SHC3: variants seen among roughly 807,000 people sequenced by gnomAD.
SHC3 encodes the protein SHC-transforming protein 3.
SHC3 carries 15 observed loss-of-function variants against 60.4 expected under a neutral mutation model. The observed-to-expected ratio is 0.25, with a 90% CI of 0.17 to 0.38. SHC3 has a LOEUF of 0.38. Among genes scored for constraint, SHC3 ranks in the 10% least tolerant of loss-of-function variants. The probability of loss-of-function intolerance (pLI) is 1.00; values close to 1 mark genes in which losing one functional copy is unlikely to be tolerated. For synonymous variants in SHC3, 294 were observed against 325.9 expected (o/e 0.90, Z 1.05); for missense variants, 677 against 786.1 (o/e 0.86, Z 1.66).
chr9:89,117,272 G>A (rs972144626), intron 1 of SHC3, among the ~76,000 whole-genome samples: 3 of 152,116 alleles, frequency 2.0e-5, no homozygotes, highest in African/African-American at 4.8e-5. Context: ...CTCATCACCC[G>A]GCATAAGCAA....
chr9:89,167,776 T>C (rs1008518350), intron 1 of SHC3, among the ~76,000 whole-genome samples: 4 of 152,250 alleles, frequency 2.6e-5, no homozygotes, highest in Non-Finnish European at 4.4e-5. Flanking sequence ...TATGCTATTA[T>C]TGTTTGCAAA....
intron 1 of SHC3, among the ~76,000 whole-genome samples, chr9:89,152,966 T>C (rs1587756985): frequency 6.6e-6 from 1 of 152,024 alleles, no homozygotes; most frequent in East Asian, 1.9e-4. Flanking sequence ...GTCAGAAGAG[T>C]GGATACCCCT....
chr9:89,058,778 G>C (rs1357770724), intron 6 of SHC3, among the ~76,000 whole-genome samples: 23 of 149,506 alleles, frequency 1.5e-4, no homozygotes, highest in Middle Eastern at 3.5e-3. Flanking sequence ...ATGTGATATA[G>C]GATGTGGTGG....
At chr9:89,177,841 C>T in intron 1 of SHC3, 146 bp downstream of exon 1, 1 of 1,074,048 alleles carries the variant, frequency 9.3e-7, no homozygotes. Flanking sequence ...GTCAAGCGAG[C>T]TGATTGCTAA....
At chr9:89,046,387 T>C (rs1824775982) in intron 8 of SHC3, among the ~76,000 whole-genome samples, 1 of 152,138 alleles carries the variant, frequency 6.6e-6, no homozygotes, top group Non-Finnish European at 1.5e-5. Flanking sequence ...ATCATAACTC[T>C]AGAAAGCAAT....
At chr9:89,148,492 C>T (rs1295981293) in intron 1 of SHC3, among the ~76,000 whole-genome samples, 1 of 152,226 alleles carries the variant, frequency 6.6e-6, no homozygotes, top group Non-Finnish European at 1.5e-5. Flanking sequence ...AACTTTTTCT[C>T]TCAGTTTACC....
intron 1 of SHC3, among the ~76,000 whole-genome samples, chr9:89,161,199 C>A (rs1450015928): frequency 6.6e-6 from 1 of 152,196 alleles, no homozygotes; most frequent in Non-Finnish European, 1.5e-5. Flanking sequence ...ATCATGGCAG[C>A]AGGTTTCTCA....
At chr9:89,169,581 A>C (rs1254696656) in intron 1 of SHC3, among the ~76,000 whole-genome samples, 2 of 152,074 alleles carry the variant, frequency 1.3e-5, no homozygotes, top group African/African-American at 4.8e-5. Context: ...TCTAGAAGGA[A>C]TTTGGACATC....
intron 7 of SHC3, among the ~76,000 whole-genome samples, chr9:89,050,679 T>C (rs532484469): frequency 3.9e-5 from 6 of 152,270 alleles, no homozygotes; most frequent in Non-Finnish European, 7.3e-5. Flanking sequence ...AAATGGTTCA[T>C]ATCCTTTTGT....
chr9:89,067,135 C>T (rs1288200408), intron 5 of SHC3, among the ~76,000 whole-genome samples: 1 of 152,184 alleles, frequency 6.6e-6, no homozygotes, highest in Admixed American at 6.5e-5. Context: ...AGATCGTCCA[C>T]CTGGTCAAAC....
chr9:89,085,582 C>G (rs1468657279), intron 2 of SHC3, among the ~76,000 whole-genome samples: 1 of 152,220 alleles, frequency 6.6e-6, no homozygotes, highest in Non-Finnish European at 1.5e-5. Flanking sequence ...CAATAGAATT[C>G]CGAATGTAGC....
chr9:89,124,382 T>C (rs558583558), intron 1 of SHC3, among the ~76,000 whole-genome samples: 10 of 152,280 alleles, frequency 6.6e-5, no homozygotes, highest in Admixed American at 6.5e-4. Flanking sequence ...TAAAGACACA[T>C]GCACAAGTAT....
intron 11 of SHC3, among the ~76,000 whole-genome samples, chr9:89,024,592 C>T (rs138263427): frequency 6.2e-4 from 95 of 152,334 alleles, no homozygotes; most frequent in Admixed American, 5.6e-3. Flanking sequence ...ATGGCTATCG[C>T]GAGTCCTGCT....
In SHC3 at chr9:89,073,402, C is replaced by G. The variant is rs943504101; in HGVS notation, c.729+1707G>C. Among the ~76,000 whole-genome samples the G allele has an allele frequency of 5.3e-5, 8 of 152,274 alleles. No individual in the cohort carries two copies. In the East Asian group the frequency reaches 1.2e-3, roughly 22 times the overall value. On this transcript the variant is annotated intron_variant, in intron 4 of 11. Transcript: ENST00000375835. ...CTGAGGGTGTTGCATCTCATTTCCA[C>G]TAGGAACTCTGTAGAGGGGAGCGGC...
At chr9:89,134,145 A>C (rs1192231215) in intron 1 of SHC3, among the ~76,000 whole-genome samples, 3 of 152,130 alleles carry the variant, frequency 2.0e-5, no homozygotes, top group Non-Finnish European at 2.9e-5. Context: ...GAGACTACTA[A>C]AGAAACAGTT....
rs769376076 is a variant in SHC3, at chr9:89,038,286, G to A, written c.1363C>T (p.Pro455Ser). ...SPRKDLFDMK[P>S]FEDALKNQPL... ...TGGTTCTTGAGAGCATCTTCAAAAGGTTCTGTCATCAACAATATTGACCAG... is the reference window on the plus strand; with the variant it reads ...TGGTTCTTGAGAGCATCTTCAAAAGATTCTGTCATCAACAATATTGACCAG... The change falls in exon 11 of 12, where the codon CCT becomes TCT. Residue 455 changes from proline to serine, a missense_variant and splice_region_variant. Transcript: ENST00000375835. 6.2e-7 allele frequency: 1 copy of A among 1,609,242 alleles called. No homozygotes were observed. Among genetic ancestry groups the A allele is most frequent in the East Asian group, 2.2e-5 (1 of 44,758 alleles).
intron 1 of SHC3, among the ~76,000 whole-genome samples, chr9:89,124,544 G>A (rs531126853): frequency 6.6e-6 from 1 of 152,218 alleles, no homozygotes; most frequent in Admixed American, 6.5e-5. Flanking sequence ...GCATGGACAT[G>A]GATGAAGCTG....
At chr9:89,100,728 T>C (rs1242853528) in intron 2 of SHC3, among the ~76,000 whole-genome samples, 1 of 152,204 alleles carries the variant, frequency 6.6e-6, no homozygotes, top group Non-Finnish European at 1.5e-5. Flanking sequence ...ATAAAGGGAA[T>C]CACATAGTAT....
chr9:89,071,200 G>A lies in SHC3; in HGVS notation c.782C>T (p.Pro261Leu), dbSNP rs531819457. The stretch of plus-strand genomic sequence containing the variant: ...GAGACCAACCCCAAGGGTACTTACC[G>A]GGTCTCCCCCAGAGGCGAAGGAGAT... Reference protein sequence around the residue: ...RSISFASGGDPDTTDYVAYVA... With the variant: ...RSISFASGGDLDTTDYVAYVA... Residue 261 changes from proline to leucine, a missense_variant and splice_region_variant, in exon 5 of 12, where the codon CCG becomes CTG. Pro to Leu is a moderately conservative substitution (Grantham distance 98). Coordinates refer to ENST00000375835, the MANE Select transcript of SHC3 (RefSeq NM_016848.6). 3.1e-6 allele frequency: 5 copies of A among 1,614,010 alleles called. No homozygotes were observed. The highest frequency in any genetic ancestry group is 2.2e-5 in the South Asian group (2 of 91,046).
Sources: allele counts gnomAD v4.1 joint callset (sites outside exome capture counted in the v4.1 genomes callset), GRCh38; gene constraint gnomAD v4.1.1; transcripts MANE v1.5; gene names NCBI Gene and HGNC (gene_info 2026-07-23, HGNC 2026-07-21).